The following ADK variants were observed in gnomAD, a reference collection of about 807,000 sequenced individuals.
ADK encodes the protein adenosine kinase.
ADK carries 24 observed loss-of-function variants against 44.7 expected under a neutral mutation model. The observed-to-expected ratio is 0.54, with a 90% CI of 0.39 to 0.76. The LOEUF (loss-of-function observed/expected upper bound fraction) is 0.76, where lower values mean the gene tolerates loss of function less well. Ranked by LOEUF, ADK falls within the 30% of genes least tolerant of loss-of-function variation. ADK has a pLI of 0.00. For missense variants in ADK, 321 were observed against 425.1 expected (o/e 0.76, Z 2.15); for synonymous variants, 128 against 142.6 (o/e 0.90, Z 0.73).
intron 7 of ADK, among the ~76,000 whole-genome samples, chr10:74,588,445 T>C (rs1197845180): frequency 6.6e-6 from 1 of 152,214 alleles, no homozygotes; most frequent in African/African-American, 2.4e-5. Flanking sequence ...TCCTACAGAA[T>C]GTCCTACCCT....
At chr10:74,655,516 T>G in intron 9 of ADK, 2 of 496,982 alleles carry the variant, frequency 4.0e-6, no homozygotes, top group East Asian at 1.0e-4. Context: ...GGTGGCTTTT[T>G]AAGGAAGAAA....
chr10:74,283,519 A>G (rs1847028371), intron 3 of ADK, among the ~76,000 whole-genome samples: 1 of 146,358 alleles, frequency 6.8e-6, no homozygotes, highest in Admixed American at 7.0e-5. Context: ...GTCATACTAG[A>G]TGTTTTCAGC....
chr10:74,602,543 A>G (rs1218634134), intron 9 of ADK, among the ~76,000 whole-genome samples: 1 of 152,166 alleles, frequency 6.6e-6, no homozygotes, highest in Non-Finnish European at 1.5e-5. Flanking sequence ...CTGTGACTGT[A>G]TTTCCTTGTG....
chr10:74,650,167 C>G (rs555001917), intron 9 of ADK, among the ~76,000 whole-genome samples: 1 of 152,258 alleles, frequency 6.6e-6, no homozygotes, highest in African/African-American at 2.4e-5. Context: ...TGCCTGTAGT[C>G]CCAACACTCT....
intron 10 of ADK, among the ~76,000 whole-genome samples, chr10:74,675,811 A>C (rs926424225): frequency 6.6e-6 from 1 of 152,166 alleles, no homozygotes. Context: ...ATAACAAATA[A>C]CATGAAAGAG....
At chr10:74,585,674 A>G (rs552024849) in intron 7 of ADK, among the ~76,000 whole-genome samples, 14 of 152,328 alleles carry the variant, frequency 9.2e-5, no homozygotes, top group African/African-American at 3.4e-4. Flanking sequence ...GCCTGTAAAT[A>G]TAATGATTAT....
At chr10:74,642,359 ATTT>A (rs59316334) in intron 9 of ADK, among the ~76,000 whole-genome samples, 2,861 of 134,124 alleles carry the variant, frequency 0.021, 81 homozygotes, top group Admixed American at 0.1. Flanking sequence ...GATGCACTCA[ATTT>A]TTTTTTTTTT....
intron 1 of ADK, among the ~76,000 whole-genome samples, chr10:74,186,305 G>A (rs1842765593): frequency 1.3e-5 from 2 of 150,030 alleles, no homozygotes; most frequent in Admixed American, 1.3e-4. Flanking sequence ...CTTTCCACAG[G>A]GTCTTACTTT....
At chr10:74,536,088 A>C (rs950840269) in intron 7 of ADK, among the ~76,000 whole-genome samples, 1 of 152,160 alleles carries the variant, frequency 6.6e-6, no homozygotes, top group Non-Finnish European at 1.5e-5. Flanking sequence ...CTTAAAGCTT[A>C]AACATGTTAT....
intron 10 of ADK, among the ~76,000 whole-genome samples, chr10:74,671,171 T>C (rs1855165702): frequency 1.3e-5 from 2 of 152,052 alleles, no homozygotes; most frequent in Non-Finnish European, 1.5e-5. Context: ...TTAATAGTCT[T>C]TTGCCAACAT....
At chr10:74,577,112 G>GTT (rs776664670) in intron 7 of ADK, among the ~76,000 whole-genome samples, 15 of 84,968 alleles carry the variant, frequency 1.8e-4, no homozygotes, top group Non-Finnish European at 2.2e-4. Flanking sequence ...TTATTTCTCT[G>GTT]TGTGTGTGTG....
At chr10:74,307,653 C>G (rs370156567) in intron 3 of ADK, among the ~76,000 whole-genome samples, 3 of 152,218 alleles carry the variant, frequency 2.0e-5, no homozygotes, top group East Asian at 3.9e-4. Context: ...TGATGAGTGA[C>G]ATTTTTTGAA....
chr10:74,665,995 A>T (rs560242090), intron 9 of ADK, among the ~76,000 whole-genome samples: 1 of 152,340 alleles, frequency 6.6e-6, no homozygotes, highest in African/African-American at 2.4e-5. Context: ...GGTTGTGTGT[A>T]TCTAGTGCTA....
Position 74,427,727 on chromosome 10 carries a change from ATGTGTG to A in ADK, c.555+29173_555+29178del, listed in dbSNP as rs35949478. Among the ~76,000 whole-genome samples, 320 of 148,498 alleles carry A rather than the reference ATGTGTG, an allele frequency of 2.2e-3. 1 individual carries two copies. Among genetic ancestry groups the A allele is most frequent in the African/African-American group, 5.2e-3 (211 of 40,288 alleles). On this transcript the variant is annotated intron_variant, in intron 6 of 10. Transcript: ENST00000539909. ...CATGTATTTTTGTATATGTATATGT[ATGTGTG>A]TGTGTGTGTGTGTGTGTGTGTGTGA...
At chr10:74,303,600 T>G (rs1013112084) in intron 3 of ADK, among the ~76,000 whole-genome samples, 1 of 134,966 alleles carries the variant, frequency 7.4e-6, no homozygotes, top group Non-Finnish European at 1.6e-5. Flanking sequence ...TTTTTTTTTT[T>G]TTTTTTTTTT....
chr10:74,457,374 G>T (rs1422064276), intron 6 of ADK, among the ~76,000 whole-genome samples: 1 of 152,174 alleles, frequency 6.6e-6, no homozygotes, highest in Non-Finnish European at 1.5e-5. Context: ...GGACCAGATG[G>T]ATTCACAACT....
At chr10:74,325,608 C>G (rs1840977624) in intron 4 of ADK, among the ~76,000 whole-genome samples, 1 of 152,124 alleles carries the variant, frequency 6.6e-6, no homozygotes, top group South Asian at 2.1e-4. Context: ...AGAATAATAG[C>G]TTTGGATTTT....
At position 74,382,318 on chromosome 10, in the gene ADK, C is replaced by T. The variant is rs577485985; in HGVS notation, c.274-11823C>T. On this transcript the variant is annotated intron_variant, in intron 4 of 10. Transcript: ENST00000539909. The stretch of plus-strand genomic sequence containing the variant: ...TTTACCACATTGCCTAGGCTGGTCT[C>T]GAACTTCTGAGCTCAAGCCATCTGC... 1.4e-4 allele frequency among the ~76,000 whole-genome samples: 21 copies of T among 152,282 alleles called. No individual in the cohort carries two copies. The South Asian group carries it at 3.5e-3, about 26-fold the overall frequency.
chr10:74,300,959 A>G (rs7904939), intron 3 of ADK, among the ~76,000 whole-genome samples: 109,900 of 151,674 alleles, frequency 0.72, 40,425 homozygotes, highest in Middle Eastern at 0.86. Flanking sequence ...CACTGCAATC[A>G]CGGAGCTTCT....
Sources: gnomAD v4.1 joint callset for allele counts (sites outside exome capture counted in the v4.1 genomes callset) on GRCh38, gnomAD v4.1.1 for gene constraint, MANE v1.5 for transcripts, NCBI Gene and HGNC (gene_info 2026-07-23, HGNC 2026-07-21) for gene names.